The following PRIM2 variants were observed in gnomAD, a reference collection of about 807,000 sequenced individuals.
PRIM2 encodes the protein DNA primase subunit 2.
Under a neutral mutation model 67.3 loss-of-function variants are expected in PRIM2, and 39 were observed. The ratio of observed to expected loss-of-function variants is 0.58; its 90% CI spans 0.45 to 0.76. PRIM2 has a LOEUF of 0.76. Among genes scored for constraint, PRIM2 ranks in the 30% least tolerant of loss-of-function variants. The pLI is 0.00. For synonymous variants in PRIM2, 143 were observed against 198.7 expected, an observed-to-expected ratio of 0.72 and a Z score of 2.36; for missense variants, 398 against 598.7, an observed-to-expected ratio of 0.66 and a Z score of 3.50.
chr6:57,456,125 T>A (rs201176154), intron 7 of PRIM2, among the ~76,000 whole-genome samples: 1 of 152,102 alleles, frequency 6.6e-6, no homozygotes. Flanking sequence ...CCACTCTCTT[T>A]TGGCTTGTAG....
Position 57,538,196 on chromosome 6 carries a change from T to A in PRIM2, c.1020+571T>A, listed in dbSNP as rs1364261993. Among the ~76,000 whole-genome samples the A allele has an allele frequency of 2.6e-5, 4 of 152,152 alleles. 1 individual carries two copies. The highest frequency in any genetic ancestry group is 1.9e-4 in the East Asian group (1 of 5,176). On this transcript the variant is annotated intron_variant, in intron 10 of 13. Coordinates refer to ENST00000615550, the MANE Select transcript of PRIM2 (RefSeq NM_000947.5). ...TGCCTGGCTAATTTTTTTCTTTTTTTAATTTTTTGTAGAGATGGAGTCTCA... is the reference window on the plus strand; with the variant it reads ...TGCCTGGCTAATTTTTTTCTTTTTTAAATTTTTTGTAGAGATGGAGTCTCA...
intron 13 of PRIM2, among the ~76,000 whole-genome samples, chr6:57,636,923 C>G (rs1352556406): frequency 6.6e-6 from 1 of 152,188 alleles, no homozygotes; most frequent in Non-Finnish European, 1.5e-5. Flanking sequence ...GGGACTGCCT[C>G]CTCAAGTGGG....
At chr6:57,538,774 T>C (rs1255819227) in intron 10 of PRIM2, among the ~76,000 whole-genome samples, 1 of 152,180 alleles carries the variant, frequency 6.6e-6, no homozygotes, top group Admixed American at 6.5e-5. Flanking sequence ...ACATGTGGCC[T>C]TCTTCTTGCT....
intron 5 of PRIM2, among the ~76,000 whole-genome samples, chr6:57,346,259 T>A (rs1768674696): frequency 6.6e-6 from 1 of 152,194 alleles, no homozygotes; most frequent in African/African-American, 2.4e-5. Context: ...TAGAGTCTTT[T>A]GGCAGTGTTA....
At chr6:57,623,457 T>G (rs1161785415) in intron 12 of PRIM2, among the ~76,000 whole-genome samples, 4 of 152,164 alleles carry the variant, frequency 2.6e-5, no homozygotes, top group African/African-American at 9.6e-5. Flanking sequence ...AAAACATCCT[T>G]TCTTAAAATT....
At chr6:57,474,630 A>ATAC (rs1300495955) in intron 7 of PRIM2, among the ~76,000 whole-genome samples, 1 of 152,158 alleles carries the variant, frequency 6.6e-6, no homozygotes, top group Non-Finnish European at 1.5e-5. Context: ...AGCAGGGAGA[A>ATAC]TACTACTACT....
chr6:57,523,053 A>G (rs1774659088), intron 8 of PRIM2, among the ~76,000 whole-genome samples: 1 of 152,240 alleles, frequency 6.6e-6, no homozygotes, highest in Non-Finnish European at 1.5e-5. Context: ...TATTTTTTCT[A>G]GTATTCATAG....
chr6:57,615,895 A>G (rs1365262002), intron 12 of PRIM2, among the ~76,000 whole-genome samples: 1 of 152,110 alleles, frequency 6.6e-6, no homozygotes. Context: ...ATCTCTCCAA[A>G]AATTAACAAA....
the PRIM2 span, among the ~76,000 whole-genome samples, chr6:57,246,990 G>A: frequency 6.6e-6 from 1 of 152,132 alleles, no homozygotes; most frequent in Non-Finnish European, 1.5e-5. Flanking sequence ...GAGTAGCTGG[G>A]ACTACAGGTA....
At chr6:57,564,260 A>G (rs1775694229) in intron 10 of PRIM2, among the ~76,000 whole-genome samples, 1 of 152,212 alleles carries the variant, frequency 6.6e-6, no homozygotes, top group African/African-American at 2.4e-5. Context: ...ATGTGTTTAA[A>G]CTATTAATCC....
chr6:57,536,824 G>A (rs1452739032), intron 9 of PRIM2, among the ~76,000 whole-genome samples: 3 of 152,242 alleles, frequency 2.0e-5, no homozygotes, highest in African/African-American at 7.2e-5. Context: ...TTAGGGAGCT[G>A]AGGGAGGGGA....
In PRIM2 at chr6:57,348,161, C is replaced by T. The variant is rs563736046; in HGVS notation, c.459+22116C>T. Among the ~76,000 whole-genome samples the T allele has an allele frequency of 3.4e-4, 52 of 151,996 alleles. 1 individual carries two copies. Among genetic ancestry groups the T allele is most frequent in the East Asian group, 1.7e-3 (9 of 5,170 alleles). ...AAACATTATATTCATCCAACTTAGT[C>T]GTTGAGGGGTTTGTTTTCTAGCCCG... On this transcript the variant is annotated intron_variant, in intron 5 of 13. Transcript: ENST00000615550.
At chr6:57,414,164 T>C (rs1222150182) in intron 7 of PRIM2, among the ~76,000 whole-genome samples, 2 of 152,100 alleles carry the variant, frequency 1.3e-5, no homozygotes, top group African/African-American at 4.8e-5. Context: ...GCTTTTTCTT[T>C]TGAATTCAGT....
At chr6:57,457,382 A>G (rs1772831276) in intron 7 of PRIM2, among the ~76,000 whole-genome samples, 1 of 152,200 alleles carries the variant, frequency 6.6e-6, no homozygotes, top group South Asian at 2.1e-4. Context: ...CCCTGCCTCC[A>G]GAGGTGGAGT....
intron 7 of PRIM2, among the ~76,000 whole-genome samples, chr6:57,414,353 T>A (rs1397922010): frequency 6.6e-6 from 1 of 152,182 alleles, no homozygotes; most frequent in Non-Finnish European, 1.5e-5. Flanking sequence ...TTATACTGGT[T>A]CTATAAGTGT....
intron 7 of PRIM2, among the ~76,000 whole-genome samples, chr6:57,393,578 T>C (rs542362491): frequency 1.4e-4 from 21 of 152,342 alleles, no homozygotes; most frequent in Middle Eastern, 3.4e-3. Context: ...GTCAGATGTA[T>C]AGATTGTGAA....
upstream of PRIM2, among the ~76,000 whole-genome samples, chr6:57,311,361 G>T (rs371642235): frequency 1.3e-5 from 2 of 149,760 alleles, no homozygotes; most frequent in Admixed American, 1.3e-4. Flanking sequence ...CAGACGGGGC[G>T]GCGGGGCAGA....
intron 7 of PRIM2, among the ~76,000 whole-genome samples, chr6:57,468,605 C>A (rs1383738376): frequency 6.6e-6 from 1 of 152,094 alleles, no homozygotes; most frequent in Non-Finnish European, 1.5e-5. Context: ...TTTGTTGTGT[C>A]TCTGCCAGGT....
At chr6:57,317,531 TGAGCATGCCCA>T (rs1767516782), upstream of PRIM2, 1 of 152,722 alleles carries the variant, frequency 6.5e-6, no homozygotes, top group African/African-American at 2.4e-5. Context: ...CGCGCTCCAC[TGAGCATGCCCA>T]GAGCCTCAGG....
Sources: allele counts gnomAD v4.1 joint callset (sites outside exome capture counted in the v4.1 genomes callset), GRCh38; gene constraint gnomAD v4.1.1; transcripts MANE v1.5; gene names NCBI Gene and HGNC (gene_info 2026-07-23, HGNC 2026-07-21).